The following VSNL1 variants were observed in gnomAD, a reference collection of about 807,000 sequenced individuals.
VSNL1 encodes visinin-like protein 1.
VSNL1 carries 6 observed loss-of-function variants against 20.4 expected under a neutral mutation model. The observed-to-expected ratio is 0.29, with a 90% CI of 0.16 to 0.58. The LOEUF is 0.58. Ranked by LOEUF, VSNL1 falls within the 20% of genes least tolerant of loss-of-function variation. VSNL1 has a pLI of 0.90. For missense variants in VSNL1, 100 were observed against 234.5 expected, an observed-to-expected ratio of 0.43 and a Z score of 3.75; for synonymous variants, 93 against 86.4, an observed-to-expected ratio of 1.08 and a Z score of -0.42.
chr2:17,550,924 C>A lies in VSNL1; in HGVS notation c.-6+10006C>A, dbSNP rs1204725349. Among the ~76,000 whole-genome samples the A allele has an allele frequency of 2.6e-5, 4 of 152,320 alleles. No individual in the cohort carries two copies. The South Asian group carries it at 6.2e-4, about 24-fold the overall frequency. On this transcript the variant is annotated intron_variant, in intron 1 of 3. Coordinates refer to ENST00000295156, the MANE Select transcript of VSNL1 (RefSeq NM_003385.5). ...CACATAATCACTGTATACATGCCAA[C>A]TCTCGCATAAAACTGGAAATTTCTT...
intron 1 of VSNL1, among the ~76,000 whole-genome samples, chr2:17,583,313 C>T (rs189530971): frequency 1.4e-4 from 22 of 152,358 alleles, no homozygotes; most frequent in Admixed American, 7.8e-4. Flanking sequence ...TCTTCTCTCT[C>T]GGCAGCTCCC....
chr2:17,598,169 C>T (rs1664750805), intron 2 of VSNL1, among the ~76,000 whole-genome samples: 1 of 152,122 alleles, frequency 6.6e-6, no homozygotes, highest in South Asian at 2.1e-4. Context: ...CTAAATTGTG[C>T]CCCTGGGCTT....
In VSNL1 at chr2:17,656,286, T is replaced by G. The variant is rs1201916562; in HGVS notation, c.*892T>G. 5.3e-5 allele frequency: 8 copies of G among 152,166 alleles called. No homozygotes were observed. The highest frequency in any genetic ancestry group is 5.2e-4 in the Admixed American group (8 of 15,278). The allele number at this position is 152,166 out of a possible 1,614,324, so 9.4% of individuals were successfully genotyped here. A position where few individuals can be genotyped will look rare whatever the true frequency, so the allele number is the denominator to read the frequency against. On this transcript the variant is annotated 3_prime_UTR_variant, in exon 4 of 4. Coordinates refer to ENST00000295156, the MANE Select transcript of VSNL1 (RefSeq NM_003385.5). ...TATACAACTTTGGAATTTGAAGAAT[T>G]AATGACAACAAAAGGGAAAAAAGCA...
At chr2:17,564,848 C>A (rs1663900461) in intron 1 of VSNL1, among the ~76,000 whole-genome samples, 1 of 152,118 alleles carries the variant, frequency 6.6e-6, no homozygotes, top group Admixed American at 6.5e-5. Context: ...ATCGCAGATG[C>A]AATTGTAGTA....
intron 1 of VSNL1, among the ~76,000 whole-genome samples, chr2:17,571,254 T>A (rs188481922): frequency 6.6e-6 from 1 of 152,194 alleles, no homozygotes; most frequent in Non-Finnish European, 1.5e-5. Context: ...CTTTAGGTAC[T>A]AGGATGCTAT....
At position 17,655,631 on chromosome 2, in the gene VSNL1, A is replaced by G; in HGVS notation, c.*237A>G. 1 of 440,268 alleles carries G rather than the reference A, an allele frequency of 2.3e-6. No individual in the cohort carries two copies. The allele number at this position is 440,268 out of a possible 1,614,324, so 27.3% of individuals were successfully genotyped here. On this transcript the variant is annotated 3_prime_UTR_variant, in exon 4 of 4. Transcript: ENST00000295156. This position sits in a 1 kb window ranked among gnomAD's most constrained non-coding sequence, Gnocchi z 5.2. The stretch of plus-strand genomic sequence containing the variant: ...AAAACAAACAACCTGCCACAATGTG[A>G]TATGTGTAATATCATTTCATAAAAA...
chr2:17,544,006 A>C (rs1193940076), intron 1 of VSNL1, among the ~76,000 whole-genome samples: 1 of 152,114 alleles, frequency 6.6e-6, no homozygotes, highest in Non-Finnish European at 1.5e-5. Flanking sequence ...AAAGATACTC[A>C]CAACTACCAC....
chr2:17,579,277 G>T (rs1009539192), intron 1 of VSNL1, among the ~76,000 whole-genome samples: 1 of 151,986 alleles, frequency 6.6e-6, no homozygotes, highest in Non-Finnish European at 1.5e-5. Context: ...CACCACGCCC[G>T]GCTAATTTTT....
chr2:17,609,651 T>C (rs528255562), intron 2 of VSNL1, among the ~76,000 whole-genome samples: 2 of 152,318 alleles, frequency 1.3e-5, no homozygotes, highest in Admixed American at 1.3e-4. Context: ...GAGTGGTTAG[T>C]GCTAAAATAC....
intron 2 of VSNL1, among the ~76,000 whole-genome samples, chr2:17,596,917 T>C (rs1055574967): frequency 3.3e-5 from 5 of 152,236 alleles, no homozygotes; most frequent in African/African-American, 7.2e-5. Flanking sequence ...ATGAAAACTA[T>C]TTATGACATA....
chr2:17,599,714 G>T (rs527276561), intron 2 of VSNL1, among the ~76,000 whole-genome samples: 1 of 152,076 alleles, frequency 6.6e-6, no homozygotes, highest in South Asian at 2.1e-4. Flanking sequence ...CTATGAAATC[G>T]ATCTTAGAGA....
At chr2:17,624,006 G>T (rs2103405706) in intron 2 of VSNL1, among the ~76,000 whole-genome samples, 1 of 151,920 alleles carries the variant, frequency 6.6e-6, no homozygotes, top group South Asian at 2.1e-4. Flanking sequence ...GTCCAAACGT[G>T]CCACAGGCCA....
rs11686910 is a variant in VSNL1, at chr2:17,619,888, C to G, written c.162+27652C>G. Among the ~76,000 whole-genome samples, 633 of 151,726 alleles carry G rather than the reference C, an allele frequency of 4.2e-3. 6 individuals are homozygous for G. The highest frequency in any genetic ancestry group is 0.014 in the African/African-American group (582 of 41,402). ...AAAAAAAAAAAAATGCAATCCCCCC[C>G]CAAAAGGCCCCCAGCAATGTTACAG... On this transcript the variant is annotated intron_variant, in intron 2 of 3. Transcript: ENST00000295156.
chr2:17,607,054 T>G (rs944547125), intron 2 of VSNL1, among the ~76,000 whole-genome samples: 1 of 152,172 alleles, frequency 6.6e-6, no homozygotes, highest in Admixed American at 6.5e-5. Flanking sequence ...GCTGCAGAAT[T>G]AGTCCTGAAA....
intron 1 of VSNL1, chr2:17,567,331 AAG>A (rs1192319801): frequency 6.8e-6 from 1 of 147,888 alleles, no homozygotes; most frequent in Non-Finnish European, 1.5e-5. Context: ...TCTTGATGTA[AAG>A]AGAGTCTCAT....
At chr2:17,563,949 A>G (rs781050334) in intron 1 of VSNL1, among the ~76,000 whole-genome samples, 1 of 152,086 alleles carries the variant, frequency 6.6e-6, no homozygotes, top group Non-Finnish European at 1.5e-5. Context: ...TTACTTCTAA[A>G]TAGTCTTCTT....
At position 17,592,659 on chromosome 2, in the gene VSNL1, T is replaced by C. The variant is rs1398374673; in HGVS notation, c.162+423T>C. Among the ~76,000 whole-genome samples, 560 of 123,980 alleles carry C rather than the reference T, an allele frequency of 4.5e-3. 25 individuals are homozygous for C. Among genetic ancestry groups the C allele is most frequent in the African/African-American group, 0.015 (514 of 35,056 alleles). 81.3% of individuals were successfully genotyped at this position (123,980 alleles called of 152,430 possible). On this transcript the variant is annotated intron_variant, in intron 2 of 3. Coordinates refer to ENST00000295156, the MANE Select transcript of VSNL1 (RefSeq NM_003385.5). ...CTCTCTCTTTTTTTTTTTTTTTTTT[T>C]TTTTTTTTTTTTTTTTTTTTACCAG...
At chr2:17,583,169 T>G (rs181435241) in intron 1 of VSNL1, among the ~76,000 whole-genome samples, 5 of 152,302 alleles carry the variant, frequency 3.3e-5, no homozygotes, top group Admixed American at 3.3e-4. Flanking sequence ...TGGTGGACAC[T>G]GGTACATGCC....
At chr2:17,625,490 T>C (rs1344801520) in intron 2 of VSNL1, among the ~76,000 whole-genome samples, 1 of 152,250 alleles carries the variant, frequency 6.6e-6, no homozygotes, top group South Asian at 2.1e-4. Flanking sequence ...TTTGACAGCA[T>C]CTTGGCAAGA....
Sources: allele counts gnomAD v4.1 joint callset (sites outside exome capture counted in the v4.1 genomes callset), GRCh38; gene constraint gnomAD v4.1.1; non-coding constraint Gnocchi (gnomAD v3.1); transcripts MANE v1.5; gene names NCBI Gene and HGNC (gene_info 2026-07-23, HGNC 2026-07-21).